Variants in MPPED2 observed in about 807,000 individuals in gnomAD.
The protein encoded by MPPED2 is metallophosphoesterase MPPED2.
MPPED2 carries 5 observed loss-of-function variants against 33.0 expected under a neutral mutation model. That is an observed-to-expected ratio of 0.15 (90% confidence interval 0.08 to 0.32). The LOEUF (loss-of-function observed/expected upper bound fraction) is 0.32, where lower values mean the gene tolerates loss of function less well. Ranked by LOEUF, MPPED2 falls within the 10% of genes least tolerant of loss-of-function variation. The pLI, the probability that MPPED2 is intolerant of heterozygous loss-of-function variation, is 1.00. For missense variants in MPPED2, 275 were observed against 372.1 expected (o/e 0.74, Z 2.15); for synonymous variants, 136 against 141.9 (o/e 0.96, Z 0.29).
At chr11:30,557,516 C>G (rs1030945282) in intron 2 of MPPED2, among the ~76,000 whole-genome samples, 1 of 152,074 alleles carries the variant, frequency 6.6e-6, no homozygotes, top group Non-Finnish European at 1.5e-5. Context: ...TGTTTATTTA[C>G]AAATATTCTT....
intron 2 of MPPED2, among the ~76,000 whole-genome samples, chr11:30,554,145 C>T (rs1339828921): frequency 6.6e-6 from 1 of 152,150 alleles, no homozygotes; most frequent in Non-Finnish European, 1.5e-5. Flanking sequence ...TCATGTCAAT[C>T]CCCTACACAG....
intron 4 of MPPED2, among the ~76,000 whole-genome samples, chr11:30,419,762 A>T (rs537740613): frequency 1.3e-5 from 2 of 152,268 alleles, no homozygotes; most frequent in African/African-American, 4.8e-5. Context: ...CTTAAGACTT[A>T]TATGAGCCTG....
Position 30,422,928 on chromosome 11 carries a change from C to G in MPPED2, c.537-5295G>C, listed in dbSNP as rs768637525. Reference sequence around the variant, plus strand: ...CTGGGGATGCTTTCAAAGCACCCTCCCCCTTGCTCTTGAAATTGTAAGCAC... The same window carrying G: ...CTGGGGATGCTTTCAAAGCACCCTCGCCCTTGCTCTTGAAATTGTAAGCAC... On this transcript the variant is annotated intron_variant, in intron 4 of 6. Transcript: ENST00000358117. Among the ~76,000 whole-genome samples, 106 of 152,278 alleles carry G rather than the reference C, an allele frequency of 7.0e-4. 1 individual carries two copies. The highest frequency in any genetic ancestry group is 3.1e-3 in the South Asian group (15 of 4,822).
chr11:30,542,017 A>T (rs932633220), intron 2 of MPPED2, among the ~76,000 whole-genome samples: 1 of 152,206 alleles, frequency 6.6e-6, no homozygotes, highest in Admixed American at 6.5e-5. Flanking sequence ...TGGACATACT[A>T]TTTGATAAAG....
intron 3 of MPPED2, among the ~76,000 whole-genome samples, chr11:30,498,388 C>A (rs796975585): frequency 6.6e-6 from 1 of 151,974 alleles, no homozygotes; most frequent in African/African-American, 2.4e-5. Context: ...AGTTTGAGAC[C>A]AGCCTGGCCA....
chr11:30,456,967 C>T (rs1950305291), intron 4 of MPPED2, among the ~76,000 whole-genome samples: 1 of 152,170 alleles, frequency 6.6e-6, no homozygotes, highest in Non-Finnish European at 1.5e-5. Context: ...AAAAAGTGAT[C>T]CGTATTCCTG....
At chr11:30,472,399 G>C (rs496651) in intron 4 of MPPED2, among the ~76,000 whole-genome samples, 15,418 of 151,824 alleles carry the variant, frequency 0.1, 1,015 homozygotes, top group South Asian at 0.24. Flanking sequence ...GCATGAAAAT[G>C]AAGGGAGAAG....
intron 2 of MPPED2, among the ~76,000 whole-genome samples, chr11:30,571,936 C>A (rs180786711): frequency 8.5e-5 from 13 of 152,182 alleles, no homozygotes; most frequent in Non-Finnish European, 1.8e-4. Flanking sequence ...ACCAAAATAT[C>A]CCCATGAAAG....
chr11:30,443,522 G>A (rs1949674621), intron 4 of MPPED2, among the ~76,000 whole-genome samples: 1 of 152,106 alleles, frequency 6.6e-6, no homozygotes, highest in Non-Finnish European at 1.5e-5. Flanking sequence ...ACGGGGCAGG[G>A]ATTGCAGGTG....
At chr11:30,417,904 A>G (rs1802564504) in intron 4 of MPPED2, among the ~76,000 whole-genome samples, 1 of 152,156 alleles carries the variant, frequency 6.6e-6, no homozygotes, top group African/African-American at 2.4e-5. Context: ...AAATCTTGAC[A>G]ATGCTTTGTC....
chr11:30,575,518 C>T (rs1464428817), intron 2 of MPPED2, among the ~76,000 whole-genome samples: 4 of 152,196 alleles, frequency 2.6e-5, no homozygotes, highest in Admixed American at 1.3e-4. Flanking sequence ...GTATACAGAT[C>T]GCTGATTTCA....
At chr11:30,548,314 A>G (rs897601592) in intron 2 of MPPED2, among the ~76,000 whole-genome samples, 2 of 152,000 alleles carry the variant, frequency 1.3e-5, no homozygotes, top group African/African-American at 4.8e-5. Context: ...CCTGGGTTCC[A>G]GGGATTCTCC....
intron 2 of MPPED2, among the ~76,000 whole-genome samples, chr11:30,554,276 G>A (rs961554152): frequency 6.6e-5 from 10 of 152,240 alleles, no homozygotes; most frequent in African/African-American, 1.9e-4. Flanking sequence ...TCAGAGACAA[G>A]TCATTCTGCT....
intron 2 of MPPED2, among the ~76,000 whole-genome samples, chr11:30,575,204 T>C (rs1956874720): frequency 6.6e-6 from 1 of 152,132 alleles, no homozygotes; most frequent in South Asian, 2.1e-4. Flanking sequence ...CACTGACAGA[T>C]ACTACACAAT....
chr11:30,471,200 T>A (rs140902915), intron 4 of MPPED2, among the ~76,000 whole-genome samples: 21 of 152,298 alleles, frequency 1.4e-4, no homozygotes, highest in Middle Eastern at 3.4e-3. Flanking sequence ...GTGATGATGC[T>A]TCAAAGTAAG....
At chr11:30,452,222 T>G in intron 4 of MPPED2, 7 of 326,586 alleles carry the variant, frequency 2.1e-5, no homozygotes, top group Non-Finnish European at 2.6e-5. Flanking sequence ...CTGGCTGCAC[T>G]GACCCCTATG....
chr11:30,478,815 A>C (rs1364066694), intron 4 of MPPED2, among the ~76,000 whole-genome samples: 3 of 152,140 alleles, frequency 2.0e-5, no homozygotes, highest in African/African-American at 7.2e-5. Context: ...GAAACACCTT[A>C]AATAACGTTG....
intron 2 of MPPED2, among the ~76,000 whole-genome samples, chr11:30,556,979 A>T (rs543949977): frequency 1.1e-4 from 16 of 150,280 alleles, no homozygotes; most frequent in African/African-American, 4.0e-4. Context: ...TCATCAGAAT[A>T]AAAAAAAATC....
chr11:30,392,003 A>G (rs949797664), intron 6 of MPPED2, among the ~76,000 whole-genome samples: 3 of 152,224 alleles, frequency 2.0e-5, no homozygotes, highest in African/African-American at 7.2e-5. Context: ...TACATATAAT[A>G]GTAGTACATA....
Sources: allele counts gnomAD v4.1 joint callset (sites outside exome capture counted in the v4.1 genomes callset), GRCh38; gene constraint gnomAD v4.1.1; transcripts MANE v1.5; gene names NCBI Gene and HGNC (gene_info 2026-07-23, HGNC 2026-07-21).